Variants in OGFOD3 observed in about 807,000 individuals in gnomAD.
OGFOD3 encodes 2-oxoglutarate and iron-dependent oxygenase domain-containing protein 3.
A neutral mutation model predicts 39.8 loss-of-function variants in OGFOD3; 35 were observed. That is an observed-to-expected ratio of 0.88 (90% CI 0.67 to 1.17). The LOEUF (loss-of-function observed/expected upper bound fraction) is 1.17, where lower values mean the gene tolerates loss of function less well. OGFOD3 is among the 50% of genes most tolerant of loss of function. The pLI, the probability that OGFOD3 is intolerant of heterozygous loss-of-function variation, is 0.00. For missense variants in OGFOD3, 438 were observed against 454.5 expected, an observed-to-expected ratio of 0.96 and a Z score of 0.33; for synonymous variants, 200 against 192.0, an observed-to-expected ratio of 1.04 and a Z score of -0.34.
chr17:82,401,703 C>A (rs2052766105), intron 7 of OGFOD3, among the ~76,000 whole-genome samples: 1 of 148,336 alleles, frequency 6.7e-6, no homozygotes, highest in South Asian at 2.2e-4. Flanking sequence ...ACTCAGGAGG[C>A]TGAGGCAGGA....
At chr17:82,405,528 A>G in intron 5 of OGFOD3, 148 bp from the exon 6 acceptor site, 2 of 723,684 alleles carry the variant, frequency 2.8e-6, no homozygotes, top group Non-Finnish European at 4.8e-6. Flanking sequence ...GCTATAAAGG[A>G]GCCGGGCCGG....
chr17:82,393,526 G>A (rs548535724), intron 8 of OGFOD3: 9 of 152,382 alleles, frequency 5.9e-5, no homozygotes, highest in African/African-American at 2.2e-4. Flanking sequence ...TGGGATGCAG[G>A]CAAGGCAGCC....
chr17:82,406,407 G>A lies in OGFOD3; in HGVS notation c.488+11C>T. 2 of 1,613,480 alleles carry A rather than the reference G, an allele frequency of 1.2e-6. No homozygotes were observed. Among genetic ancestry groups the A allele is most frequent in the Non-Finnish European group, 1.7e-6 (2 of 1,179,520 alleles). ...TCAGAGCCAGCACTGAGGTCATGCTGCAGCACTCACCTGTACAGGTTCACA... is the reference window on the plus strand; with the variant it reads ...TCAGAGCCAGCACTGAGGTCATGCTACAGCACTCACCTGTACAGGTTCACA... On this transcript the variant is annotated intron_variant, in intron 5 of 8. Transcript: ENST00000313056. The surrounding 1 kb of genome is among the most constrained non-coding windows in gnomAD (Gnocchi z 5.2).
At chr17:82,397,943 G>A (rs548568044) in intron 8 of OGFOD3, among the ~76,000 whole-genome samples, 2 of 152,274 alleles carry the variant, frequency 1.3e-5, no homozygotes, top group African/African-American at 4.8e-5. Context: ...GATGGTGCCT[G>A]TCAAGGTGAC....
Position 82,405,313 on chromosome 17 carries a change from C to T in OGFOD3, c.545+11G>A, listed in dbSNP as rs754074831. 1.2e-6 allele frequency: 2 copies of T among 1,613,084 alleles called. No homozygotes were observed. The highest frequency in any genetic ancestry group is 1.1e-5 in the South Asian group (1 of 91,050). ...CGCCTGCGAACCCCCACCCGCCTCA[C>T]TCCTCCTTACCGGTATAACCGGAAG... On this transcript the variant is annotated intron_variant, in intron 6 of 8. Transcript: ENST00000313056.
intron 7 of OGFOD3, among the ~76,000 whole-genome samples, chr17:82,398,545 A>G (rs1035334922): frequency 1.3e-5 from 2 of 151,856 alleles, no homozygotes; most frequent in African/African-American, 4.8e-5. Context: ...GGCTACAGGC[A>G]CCCACCACCA....
chr17:82,399,966 G>A (rs1198932679), intron 7 of OGFOD3, among the ~76,000 whole-genome samples: 4 of 152,218 alleles, frequency 2.6e-5, no homozygotes, highest in Non-Finnish European at 5.9e-5. Flanking sequence ...CTGTGCGGGC[G>A]CTGAGCTAGG....
intron 2 of OGFOD3, among the ~76,000 whole-genome samples, chr17:82,413,991 G>A (rs559058822): frequency 3.4e-4 from 52 of 152,282 alleles, no homozygotes; most frequent in Non-Finnish European, 7.1e-4. Flanking sequence ...TTTAAAAAGT[G>A]CGCAGTGTGG....
intron 7 of OGFOD3, among the ~76,000 whole-genome samples, chr17:82,399,105 G>C (rs2052724264): frequency 6.6e-6 from 1 of 152,192 alleles, no homozygotes; most frequent in East Asian, 1.9e-4. Context: ...CCGGGTGCTG[G>C]GATTACGCGC....
At chr17:82,401,636 T>C (rs1185743303) in intron 7 of OGFOD3, among the ~76,000 whole-genome samples, 1 of 150,570 alleles carries the variant, frequency 6.6e-6, no homozygotes, top group Non-Finnish European at 1.5e-5. Context: ...AAACCCCGTC[T>C]CTACTAAAAA....
At chr17:82,407,469 T>A (rs761087302) in intron 4 of OGFOD3, among the ~76,000 whole-genome samples, 1 of 152,234 alleles carries the variant, frequency 6.6e-6, no homozygotes, top group Non-Finnish European at 1.5e-5. Flanking sequence ...CCTGGGCGGC[T>A]GGCACCACAG....
At chr17:82,402,366 C>A (rs954138728) in intron 7 of OGFOD3, among the ~76,000 whole-genome samples, 5 of 148,688 alleles carry the variant, frequency 3.4e-5, no homozygotes, top group Admixed American at 3.4e-4. Context: ...ACCCAGGAGG[C>A]GGAGGTTGTA....
intron 7 of OGFOD3, among the ~76,000 whole-genome samples, chr17:82,399,655 GCTTT>G (rs1173649554): frequency 1.3e-5 from 2 of 152,202 alleles, no homozygotes; most frequent in African/African-American, 4.8e-5. Flanking sequence ...TCTCCATTCC[GCTTT>G]CTGTCTCTGT....
chr17:82,413,488 C>A (rs182606691), intron 2 of OGFOD3, among the ~76,000 whole-genome samples: 1 of 152,248 alleles, frequency 6.6e-6, no homozygotes, highest in East Asian at 1.9e-4. Context: ...GAGAAATACC[C>A]ACAACGTTGT....
At chr17:82,411,696 G>T in intron 2 of OGFOD3, 166 bp from the exon 3 acceptor site, 1 of 576,950 alleles carries the variant, frequency 1.7e-6, no homozygotes, top group Non-Finnish European at 3.1e-6. Flanking sequence ...TGCATCTGGA[G>T]TTCACGTCTC....
At chr17:82,412,603 G>A (rs931683938) in intron 2 of OGFOD3, among the ~76,000 whole-genome samples, 45 of 151,606 alleles carry the variant, frequency 3.0e-4, no homozygotes, top group Admixed American at 1.3e-3. Flanking sequence ...GGTCAGACAG[G>A]GTTAGGGTGT....
rs2052589155 is a variant in OGFOD3, at chr17:82,390,728, G to T, written c.*1670C>A. 1 of 188,530 alleles carries T rather than the reference G, an allele frequency of 5.3e-6. No homozygotes were observed. Among genetic ancestry groups the T allele is most frequent in the Non-Finnish European group, 1.1e-5 (1 of 88,362 alleles). 11.7% of individuals were successfully genotyped at this position (188,530 alleles called of 1,614,324 possible). ...GCCCCCAAGTCCCCCGTACCCAGGG[G>T]TCACCATGCCTCAGCTGGCCTCACG... On this transcript the variant is annotated 3_prime_UTR_variant, in exon 9 of 9. Transcript: ENST00000313056. The surrounding 1 kb of genome is among the most constrained non-coding windows in gnomAD (Gnocchi z 4.9).
At chr17:82,393,725 C>A (rs2052628051) in intron 8 of OGFOD3, 1 of 152,244 alleles carries the variant, frequency 6.6e-6, no homozygotes, top group Admixed American at 6.5e-5. Flanking sequence ...CCATTTGGGA[C>A]CTCAGTCGCC....
rs114224847 is a variant in OGFOD3 at position 82,408,553 on chromosome 17, A to G, written c.423+815T>C. Among the ~76,000 whole-genome samples, 558 of 152,110 alleles carry G rather than the reference A, an allele frequency of 3.7e-3. 4 individuals are homozygous for G. Among genetic ancestry groups the G allele is most frequent in the African/African-American group, 0.013 (531 of 41,534 alleles). On this transcript the variant is annotated intron_variant, in intron 4 of 8. Transcript: ENST00000313056. ...TAAAACAACACAAGTTTATTCTCTC[A>G]CAGTTCTAGAGCCCAGGAGTCTAAA... is the stretch of plus-strand genomic sequence containing the variant.
Sources: gnomAD v4.1 joint callset for allele counts (sites outside exome capture counted in the v4.1 genomes callset) on GRCh38, gnomAD v4.1.1 for gene constraint, Gnocchi (gnomAD v3.1) non-coding constraint, MANE v1.5 for transcripts, NCBI Gene and HGNC (gene_info 2026-07-23, HGNC 2026-07-21) for gene names.